VOPP1: variants seen among roughly 807,000 people sequenced by gnomAD.
The protein encoded by VOPP1 is WW domain binding protein VOPP1.
Under a neutral mutation model 23.5 loss-of-function variants are expected in VOPP1, and 8 were observed. That is an observed-to-expected ratio of 0.34 (90% CI 0.20 to 0.61). VOPP1 has a LOEUF of 0.61. Ranked by LOEUF, VOPP1 falls within the 20% of genes least tolerant of loss-of-function variation. The pLI is 0.78. For missense variants in VOPP1, 174 were observed against 238.1 expected (o/e 0.73, Z 1.77); for synonymous variants, 83 against 97.3 (o/e 0.85, Z 0.86).
chr7:55,516,969 G>A (rs565033129), intron 2 of VOPP1, among the ~76,000 whole-genome samples: 1,552 of 94,774 alleles, frequency 0.016, 17 homozygotes, highest in Middle Eastern at 0.07. Flanking sequence ...TTTTTGAGAC[G>A]GAGTCTCACT....
At chr7:55,561,231 T>G (rs1487300396) in intron 1 of VOPP1, among the ~76,000 whole-genome samples, 1 of 152,012 alleles carries the variant, frequency 6.6e-6, no homozygotes, top group African/African-American at 2.4e-5. Context: ...TCACCAACCT[T>G]TCCCCACTGA....
At chr7:55,562,567 C>T (rs1361992867) in intron 1 of VOPP1, among the ~76,000 whole-genome samples, 2 of 152,192 alleles carry the variant, frequency 1.3e-5, no homozygotes, top group East Asian at 3.8e-4. Flanking sequence ...ACTCCAAATA[C>T]AACCAAAATC....
chr7:55,498,436 G>GCAGGTGAGGCACT (rs1330643182), intron 2 of VOPP1, among the ~76,000 whole-genome samples: 1 of 2,036 alleles, frequency 4.9e-4, no homozygotes, highest in African/African-American at 3.9e-3. Flanking sequence ...CTGAGCATGG[G>GCAGGTGAGGCACT]CAGGTGAGGC....
chr7:55,548,049 T>C (rs1304275186), intron 1 of VOPP1, among the ~76,000 whole-genome samples: 2 of 152,218 alleles, frequency 1.3e-5, no homozygotes, highest in African/African-American at 2.4e-5. Context: ...CCGCAGATTC[T>C]GGGAATGGGA....
chr7:55,570,656 T>G (rs941440231), intron 1 of VOPP1, among the ~76,000 whole-genome samples: 2 of 152,242 alleles, frequency 1.3e-5, no homozygotes, highest in Middle Eastern at 3.4e-3. Context: ...TAAAAAAGAT[T>G]GCAGGGCCGG....
At chr7:55,484,392 G>C (rs545389856) in intron 4 of VOPP1, among the ~76,000 whole-genome samples, 81 of 152,206 alleles carry the variant, frequency 5.3e-4, no homozygotes, top group African/African-American at 1.8e-3. Context: ...AGAAGCACAG[G>C]TGCTTTCCTT....
intron 1 of VOPP1, among the ~76,000 whole-genome samples, chr7:55,535,894 G>T (rs1447481786): frequency 6.6e-6 from 1 of 152,140 alleles, no homozygotes; most frequent in Non-Finnish European, 1.5e-5. Flanking sequence ...TCAACTTACC[G>T]CAGGTCTGAG....
intron 4 of VOPP1, among the ~76,000 whole-genome samples, chr7:55,459,945 G>T (rs1317735526): frequency 1.3e-5 from 2 of 151,936 alleles, no homozygotes; most frequent in African/African-American, 2.4e-5. Context: ...GTTCCTTGAG[G>T]TGTATCACTA....
intron 1 of VOPP1, among the ~76,000 whole-genome samples, chr7:55,539,204 G>A (rs1219322148): frequency 2.0e-5 from 3 of 152,128 alleles, no homozygotes; most frequent in African/African-American, 7.2e-5. Context: ...AATTAGCCGG[G>A]CATGGTGGCA....
At chr7:55,519,115 T>C (rs1226664498) in intron 2 of VOPP1, among the ~76,000 whole-genome samples, 3 of 152,194 alleles carry the variant, frequency 2.0e-5, no homozygotes, top group African/African-American at 7.2e-5. Context: ...TCAATAACTG[T>C]TACCTGCTGG....
intron 4 of VOPP1, among the ~76,000 whole-genome samples, chr7:55,445,292 CAGACACACAT>C (rs1791075186): frequency 6.6e-6 from 1 of 151,780 alleles, no homozygotes; most frequent in South Asian, 2.1e-4. Context: ...CACACACACA[CAGACACACAT>C]ACCTGCTGCA....
At chr7:55,441,530 G>A (rs529296657) in intron 4 of VOPP1, among the ~76,000 whole-genome samples, 1 of 152,184 alleles carries the variant, frequency 6.6e-6, no homozygotes, top group Non-Finnish European at 1.5e-5. Context: ...GCCTTATGGG[G>A]TTATTGGGAG....
At chr7:55,568,519 A>G (rs116886707) in intron 1 of VOPP1, among the ~76,000 whole-genome samples, 1,662 of 152,304 alleles carry the variant, frequency 0.011, 11 homozygotes, top group Middle Eastern at 0.024. Flanking sequence ...TAACTAAAAT[A>G]AGTCTATCTC....
chr7:55,435,751 T>G (rs1408324850), downstream of VOPP1, among the ~76,000 whole-genome samples: 1 of 152,234 alleles, frequency 6.6e-6, no homozygotes, highest in East Asian at 1.9e-4. Flanking sequence ...GCTTCACAAA[T>G]CTGACTGTTC....
chr7:55,472,983 C>G lies in VOPP1; in HGVS notation c.391G>C (p.Gly131Arg). 6.3e-7 allele frequency: 1 copy of G among 1,592,532 alleles called. No individual in the cohort carries two copies. The highest frequency in any genetic ancestry group is 8.5e-7 in the Non-Finnish European group (1 of 1,172,052). Reference protein sequence around the residue: ...DPGGPGMNPVGNSMAMAFQVP... With the variant: ...DPGGPGMNPVRNSMAMAFQVP... ...TGGAAAGCCATTGCCATGGAATTCCCGACAGGGTTCATCCCCGGTCCTCCT... is the reference window on the plus strand; with the variant it reads ...TGGAAAGCCATTGCCATGGAATTCCGGACAGGGTTCATCCCCGGTCCTCCT... Residue 131 changes from glycine to arginine, a missense_variant, in exon 5 of 5, where the codon GGG (glycine) becomes CGG (arginine). Gly to Arg is a moderately radical substitution (Grantham distance 125). Coordinates refer to ENST00000285279, the MANE Select transcript of VOPP1 (RefSeq NM_030796.5).
intron 1 of VOPP1, among the ~76,000 whole-genome samples, chr7:55,533,471 C>T (rs1485060082): frequency 1.3e-5 from 2 of 152,200 alleles, no homozygotes; most frequent in African/African-American, 4.8e-5. Context: ...CACCTGCCTG[C>T]TCTGAGTCAG....
At chr7:55,557,270 G>C (rs895011654) in intron 1 of VOPP1, among the ~76,000 whole-genome samples, 1 of 152,158 alleles carries the variant, frequency 6.6e-6, no homozygotes, top group Non-Finnish European at 1.5e-5. Context: ...TCTGCAAAAT[G>C]GACAGGAGGG....
chr7:55,550,873 A>G (rs1268944292), intron 1 of VOPP1, among the ~76,000 whole-genome samples: 5 of 152,342 alleles, frequency 3.3e-5, no homozygotes, highest in African/African-American at 1.2e-4. Context: ...AGAATGCATT[A>G]GGCTTATTTT....
intron 4 of VOPP1, among the ~76,000 whole-genome samples, chr7:55,445,192 TCA>T (rs1791064538): frequency 2.0e-5 from 3 of 151,568 alleles, no homozygotes; most frequent in African/African-American, 7.3e-5. Context: ...GCTCTCTCTC[TCA>T]CTTTCTCTAC....
Sources: gnomAD v4.1 joint callset for allele counts (sites outside exome capture counted in the v4.1 genomes callset) on GRCh38, gnomAD v4.1.1 for gene constraint, MANE v1.5 for transcripts, NCBI Gene and HGNC (gene_info 2026-07-23, HGNC 2026-07-21) for gene names.